Variants in AP1B1 observed in about 807,000 individuals in gnomAD.
AP1B1 encodes adaptor related protein complex 1 subunit beta 1.
A neutral mutation model predicts 104.3 loss-of-function variants in AP1B1; 36 were observed. The observed-to-expected ratio is 0.35, with a 90% CI of 0.26 to 0.46. The LOEUF (loss-of-function observed/expected upper bound fraction) is 0.46, where lower values mean the gene tolerates loss of function less well. AP1B1 is among the 20% of genes least tolerant of loss of function. The pLI, the probability that AP1B1 is intolerant of heterozygous loss-of-function variation, is 1.00. For missense variants in AP1B1, 901 were observed against 1,247.9 expected, an observed-to-expected ratio of 0.72 and a Z score of 4.19; for synonymous variants, 504 against 517.5, an observed-to-expected ratio of 0.97 and a Z score of 0.35.
At chr22:29,329,917 G>C (rs780801041) in intron 21 of AP1B1, 197 bp from the exon 22 acceptor site, 2 of 1,434,130 alleles carry the variant, frequency 1.4e-6, no homozygotes, top group African/African-American at 2.9e-5. Flanking sequence ...GGGGCTGTCC[G>C]GGGCCCTGGA....
intron 15 of AP1B1, 108 bp from the exon 16 acceptor site, chr22:29,339,241 G>C: frequency 7.7e-7 from 1 of 1,297,406 alleles, no homozygotes; most frequent in Non-Finnish European, 1.1e-6. Flanking sequence ...GGGGCAGGGG[G>C]CAGGACAGCC....
chr22:29,352,586 G>A (rs1303982565), intron 7 of AP1B1, among the ~76,000 whole-genome samples: 2 of 152,086 alleles, frequency 1.3e-5, no homozygotes, highest in South Asian at 2.1e-4. Flanking sequence ...TGACCCAGCC[G>A]GGCAGCCCTG....
At chr22:29,363,616 C>CCAG (rs2062085692) in intron 2 of AP1B1, among the ~76,000 whole-genome samples, 4 of 151,764 alleles carry the variant, frequency 2.6e-5, no homozygotes, top group Admixed American at 2.6e-4. Context: ...CCACTGCACT[C>CCAG]CAGCCTGGCG....
At chr22:29,384,628 G>C (rs2062491904) in intron 1 of AP1B1, among the ~76,000 whole-genome samples, 1 of 152,170 alleles carries the variant, frequency 6.6e-6, no homozygotes, top group African/African-American at 2.4e-5. Flanking sequence ...AGCACTTTGG[G>C]AGGCCGAGGC....
chr22:29,367,139 A>T, intron 2 of AP1B1, 68 bp downstream of exon 2: 1 of 1,477,430 alleles, frequency 6.8e-7, no homozygotes, highest in Non-Finnish European at 9.5e-7. Flanking sequence ...CCCTACCGCC[A>T]TAGGAGGAAA....
At chr22:29,356,955 C>T (rs2061968089) in intron 5 of AP1B1, among the ~76,000 whole-genome samples, 1 of 152,178 alleles carries the variant, frequency 6.6e-6, no homozygotes, top group Non-Finnish European at 1.5e-5. Flanking sequence ...CTTCTCAGAG[C>T]TAGGGGATTC....
intron 11 of AP1B1, among the ~76,000 whole-genome samples, chr22:29,345,667 G>A (rs767283704): frequency 7.3e-5 from 11 of 151,276 alleles, no homozygotes; most frequent in Middle Eastern, 6.8e-3. Flanking sequence ...GCTGCACCCA[G>A]TTAACAAGTT....
chr22:29,359,791 C>G, intron 4 of AP1B1, 33 bp downstream of exon 4: 14 of 1,596,890 alleles, frequency 8.8e-6, no homozygotes, highest in Non-Finnish European at 1.2e-5. Flanking sequence ...CTTAAGCACC[C>G]AATGTCCCCA....
chr22:29,354,897 C>T, intron 6 of AP1B1, 26 bp from the exon 7 acceptor site: 2 of 1,592,988 alleles, frequency 1.3e-6, no homozygotes, highest in Non-Finnish European at 1.7e-6. Flanking sequence ...TCCAACGGGG[C>T]AAACAGGAAA....
chr22:29,381,509 G>C (rs1032314414), intron 1 of AP1B1, among the ~76,000 whole-genome samples: 3 of 152,184 alleles, frequency 2.0e-5, no homozygotes, highest in East Asian at 1.9e-4. Context: ...ACCTCTGCTA[G>C]AGCAGCTTCT....
chr22:29,337,018 G>T (rs987415587), intron 16 of AP1B1, among the ~76,000 whole-genome samples: 2 of 152,124 alleles, frequency 1.3e-5, no homozygotes, highest in African/African-American at 4.8e-5. Flanking sequence ...TCATGCCTTG[G>T]TGCAGCTAAT....
At chr22:29,385,386 G>A (rs894032951) in intron 1 of AP1B1, among the ~76,000 whole-genome samples, 18 of 151,948 alleles carry the variant, frequency 1.2e-4, no homozygotes, top group African/African-American at 2.4e-4. Context: ...ATCCTGTCTC[G>A]AAAAAAGAAA....
chr22:29,375,708 C>T (rs960373225), intron 1 of AP1B1, among the ~76,000 whole-genome samples: 4 of 152,158 alleles, frequency 2.6e-5, no homozygotes, highest in Non-Finnish European at 5.9e-5. Context: ...CTGTGTGACC[C>T]TGGGCAACTA....
In AP1B1 at chr22:29,349,391, AC is replaced by A; in HGVS notation, c.1272-9del. Reference sequence around the variant, plus strand: ...GCAATCACACTCTCATACCTGGGAGACCAGGGCACAGTTGGTATGGGAGCCC... The same window carrying A: ...GCAATCACACTCTCATACCTGGGAGACAGGGCACAGTTGGTATGGGAGCCC... On this transcript the variant is annotated splice_polypyrimidine_tract_variant and intron_variant, in intron 10 of 22. Transcript: ENST00000357586. 3 of 1,613,206 alleles carry A rather than the reference AC, an allele frequency of 1.9e-6. No homozygotes were observed. Among genetic ancestry groups the A allele is most frequent in the Non-Finnish European group, 2.5e-6 (3 of 1,179,820 alleles).
chr22:29,342,466 G>A (rs2061729444), intron 11 of AP1B1, 83 bp from the exon 12 acceptor site: 6 of 1,185,962 alleles, frequency 5.1e-6, no homozygotes, highest in Non-Finnish European at 6.1e-6. Flanking sequence ...AAGAGGAATA[G>A]GGTGTTCAAA....
rs534624534 is a variant in AP1B1, at chr22:29,362,595, T to C, written c.143+406A>G. On this transcript the variant is annotated intron_variant, in intron 3 of 22. Transcript: ENST00000357586. Reference sequence around the variant, plus strand: ...CTCCTGACCTCGAGATCCGCCCGCCTGGGCCTCCCCAAGTGCTAGGATTAC... The same window carrying C: ...CTCCTGACCTCGAGATCCGCCCGCCCGGGCCTCCCCAAGTGCTAGGATTAC... Among the ~76,000 whole-genome samples, 10 of 152,308 alleles carry C rather than the reference T, an allele frequency of 6.6e-5. No individual in the cohort carries two copies. The South Asian group carries it at 2.1e-3, about 32-fold the overall frequency.
At position 29,349,110 on chromosome 22, in the gene AP1B1, CAG is replaced by C; in HGVS notation, c.1437+106_1437+107del. Reference sequence around the variant, plus strand: ...ACGCGCACATCACTCATCTGTCTGTCAGGGCTGTTTACGAGGTAATAGGAAGG... The same window carrying C: ...ACGCGCACATCACTCATCTGTCTGTCGGCTGTTTACGAGGTAATAGGAAGG... On this transcript the variant is annotated intron_variant, in intron 11 of 22. Transcript: ENST00000357586. 4 of 1,331,042 alleles carry C rather than the reference CAG, an allele frequency of 3.0e-6. No individual in the cohort carries two copies. In the East Asian group the frequency reaches 9.4e-5, roughly 31 times the overall value. The allele number at this position is 1,331,042 out of a possible 1,614,324, so 82.5% of individuals were successfully genotyped here.
chr22:29,329,704 C>T lies in AP1B1; in HGVS notation c.2775+8G>A, dbSNP rs1046527326. On this transcript the variant is annotated splice_region_variant and intron_variant, in intron 22 of 22. Transcript: ENST00000357586. ...GGCGGACGGGGAAAGAGAAAGCGATCTGCTAACCTCTAAGTCCTGCACCAC... is the reference window on the plus strand; with the variant it reads ...GGCGGACGGGGAAAGAGAAAGCGATTTGCTAACCTCTAAGTCCTGCACCAC... 3 of 1,613,506 alleles carry T rather than the reference C, an allele frequency of 1.9e-6. No individual in the cohort carries two copies. The highest frequency in any genetic ancestry group is 2.5e-6 in the Non-Finnish European group (3 of 1,179,736).
chr22:29,350,708 G>A (rs553353144), intron 9 of AP1B1, among the ~76,000 whole-genome samples: 1 of 152,268 alleles, frequency 6.6e-6, no homozygotes, highest in South Asian at 2.1e-4. Flanking sequence ...CTTAGTGGTC[G>A]AGGAACATCT....
Sources: gnomAD v4.1 joint callset for allele counts (sites outside exome capture counted in the v4.1 genomes callset) on GRCh38, gnomAD v4.1.1 for gene constraint, MANE v1.5 for transcripts, NCBI Gene and HGNC (gene_info 2026-07-23, HGNC 2026-07-21) for gene names.